ANK3: variants seen among roughly 807,000 people sequenced by gnomAD.
ANK3 encodes the protein ankyrin-3.
Under a neutral mutation model 370.9 loss-of-function variants are expected in ANK3, and 57 were observed. The ratio of observed to expected loss-of-function variants is 0.15; its 90% CI spans 0.12 to 0.19. The LOEUF is 0.19. ANK3 is among the 10% of genes least tolerant of loss of function. ANK3 has a pLI of 1.00. For synonymous variants in ANK3, 1,929 were observed against 1,946.3 expected, an observed-to-expected ratio of 0.99 and a Z score of 0.23; for missense variants, 4,439 against 5,302.1, an observed-to-expected ratio of 0.84 and a Z score of 5.06.
intron 43 of ANK3, among the ~76,000 whole-genome samples, chr10:60,034,132 A>G (rs1158524336): frequency 8.3e-6 from 1 of 119,916 alleles, no homozygotes; most frequent in Non-Finnish European, 1.6e-5. Context: ...TTTGAGACAG[A>G]GTCTTGCTCT....
At chr10:60,603,186 T>C (rs918949014) in intron 2 of ANK3, among the ~76,000 whole-genome samples, 1 of 152,102 alleles carries the variant, frequency 6.6e-6, no homozygotes, top group Non-Finnish European at 1.5e-5. Context: ...CAAAAGGAGT[T>C]TGGAAACTAA....
At chr10:60,519,811 A>G (rs2076307385) in intron 2 of ANK3, among the ~76,000 whole-genome samples, 3 of 152,176 alleles carry the variant, frequency 2.0e-5, no homozygotes, top group Non-Finnish European at 4.4e-5. Context: ...AAGGCATAGA[A>G]TCATAAAGAT....
At chr10:60,067,762 A>G (rs2081936891) in intron 38 of ANK3, among the ~76,000 whole-genome samples, 173 bp downstream of exon 38, 2 of 152,364 alleles carry the variant, frequency 1.3e-5, no homozygotes, top group South Asian at 4.1e-4. Context: ...GGAAAAACAC[A>G]GTATACAAGG....
At chr10:60,494,034 G>A (rs1229055002) in intron 2 of ANK3, among the ~76,000 whole-genome samples, 1 of 152,142 alleles carries the variant, frequency 6.6e-6, no homozygotes, top group Admixed American at 6.5e-5. Context: ...GATAAGTATG[G>A]TGGGAGACTT....
intron 1 of ANK3, among the ~76,000 whole-genome samples, chr10:60,702,685 G>A (rs2079560415): frequency 6.6e-6 from 1 of 152,066 alleles, no homozygotes; most frequent in Non-Finnish European, 1.5e-5. Context: ...GAAGCATTTC[G>A]GCTAATAAAG....
intron 20 of ANK3, 101 bp from the exon 21 acceptor site, chr10:60,172,504 C>T: frequency 1.2e-6 from 1 of 862,864 alleles, no homozygotes. Flanking sequence ...ACCCATCCCA[C>T]TGTCATACAC....
intron 1 of ANK3, among the ~76,000 whole-genome samples, chr10:60,705,709 C>T (rs1457006019): frequency 1.3e-5 from 2 of 152,162 alleles, no homozygotes; most frequent in East Asian, 1.9e-4. Flanking sequence ...TGTACAAGCC[C>T]ATCTATTATA....
intron 2 of ANK3, among the ~76,000 whole-genome samples, chr10:60,536,860 TA>T (rs2076736496): frequency 6.6e-6 from 1 of 152,046 alleles, no homozygotes; most frequent in South Asian, 2.1e-4. Context: ...CTGCTGTCTA[TA>T]AAAACTTTTA....
chr10:60,553,551 A>AT (rs1227698217), intron 2 of ANK3, among the ~76,000 whole-genome samples: 6 of 151,952 alleles, frequency 3.9e-5, no homozygotes, highest in Non-Finnish European at 7.4e-5. Flanking sequence ...TGTTATCCAG[A>AT]TTTTTTCAGC....
At position 60,072,812 on chromosome 10, in the gene ANK3, T is replaced by C; in HGVS notation, c.8069A>G (p.Glu2690Gly). The C allele has an allele frequency of 6.2e-7, 1 of 1,614,134 alleles. No homozygotes were observed. The highest frequency in any genetic ancestry group is 8.5e-7 in the Non-Finnish European group (1 of 1,180,014). The change falls in exon 37 of 44, where the codon GAA becomes GGA. Residue 2690 changes from glutamate to glycine, a missense_variant. Coordinates refer to ENST00000280772, the MANE Select transcript of ANK3 (RefSeq NM_020987.5). ...QQTEDSKSTV[E>G]AKGSISQSKA... ...GCTCTGTGAAATACTTCCTTTGGCTTCCACTGTGGACTTGCTGTCCTCAGT... is the reference window on the plus strand; with the variant it reads ...GCTCTGTGAAATACTTCCTTTGGCTCCCACTGTGGACTTGCTGTCCTCAGT...
chr10:60,186,661 T>A lies in ANK3; in HGVS notation c.2085+54A>T, dbSNP rs1253232220. On this transcript the variant is annotated intron_variant, in intron 17 of 43. Transcript: ENST00000280772. ...TTCTGTGAATTCTTAGTGACCTTTCTGAGGGGTGAGGTTTTGGTGTGCTGC... is the reference window on the plus strand; with the variant it reads ...TTCTGTGAATTCTTAGTGACCTTTCAGAGGGGTGAGGTTTTGGTGTGCTGC... The A allele has an allele frequency of 5.1e-6, 8 of 1,557,072 alleles. No homozygotes were observed. The South Asian group carries it at 7.9e-5, about 15-fold the overall frequency.
At chr10:60,199,622 T>C (rs1415162779) in intron 13 of ANK3, among the ~76,000 whole-genome samples, 2 of 151,792 alleles carry the variant, frequency 1.3e-5, no homozygotes, top group Admixed American at 6.6e-5. Flanking sequence ...TCTATCCCAA[T>C]AGCAGCAGAT....
intron 28 of ANK3, among the ~76,000 whole-genome samples, chr10:60,099,475 T>C (rs2132062162): frequency 1.3e-5 from 2 of 152,302 alleles, no homozygotes; most frequent in Admixed American, 1.3e-4. Context: ...CAGTTTGATC[T>C]GAGTCTGGGG....
chr10:60,570,381 A>T (rs1032600207), intron 2 of ANK3, among the ~76,000 whole-genome samples: 12 of 152,208 alleles, frequency 7.9e-5, no homozygotes, highest in African/African-American at 2.7e-4. Context: ...ACTAGGGAGA[A>T]TCAAGACATT....
intron 2 of ANK3, among the ~76,000 whole-genome samples, chr10:60,593,701 G>T (rs1194361176): frequency 6.6e-6 from 1 of 152,166 alleles, no homozygotes; most frequent in Non-Finnish European, 1.5e-5. Context: ...TGTACCAAAG[G>T]TAATTTTGAT....
At chr10:60,036,750 A>C (rs2075096174) in intron 43 of ANK3, among the ~76,000 whole-genome samples, 7 of 151,960 alleles carry the variant, frequency 4.6e-5, no homozygotes, top group Admixed American at 4.6e-4. Context: ...AAATTTTTTT[A>C]AACTCTGAAA....
chr10:60,256,942 G>A (rs117699471), intron 7 of ANK3, among the ~76,000 whole-genome samples: 2 of 152,278 alleles, frequency 1.3e-5, no homozygotes, highest in Admixed American at 6.5e-5. Flanking sequence ...ATGTGAACAC[G>A]TATTTTTTGG....
chr10:60,539,811 C>T (rs1389059575), intron 2 of ANK3, among the ~76,000 whole-genome samples: 2 of 151,878 alleles, frequency 1.3e-5, no homozygotes, highest in Admixed American at 1.3e-4. Flanking sequence ...TTATTGAGTG[C>T]CTGCTATGAA....
intron 1 of ANK3, among the ~76,000 whole-genome samples, chr10:60,385,099 C>T (rs1338092615): frequency 6.6e-6 from 1 of 152,142 alleles, no homozygotes; most frequent in African/African-American, 2.4e-5. Flanking sequence ...CCATTAAGGT[C>T]TCTCCCCGCT....
Sources: gnomAD v4.1 joint callset for allele counts (sites outside exome capture counted in the v4.1 genomes callset) on GRCh38, gnomAD v4.1.1 for gene constraint, MANE v1.5 for transcripts, NCBI Gene and HGNC (gene_info 2026-07-23, HGNC 2026-07-21) for gene names.